The following SCHIP1 variants were observed in gnomAD, a reference collection of about 807,000 sequenced individuals.
SCHIP1 encodes the protein schwannomin-interacting protein 1.
A neutral mutation model predicts 29.7 loss-of-function variants in SCHIP1; 8 were observed. The ratio of observed to expected loss-of-function variants is 0.27; its 90% CI spans 0.16 to 0.49. The LOEUF is 0.49. Ranked by LOEUF, SCHIP1 falls within the 20% of genes least tolerant of loss-of-function variation. SCHIP1 has a pLI of 0.99. For missense variants in SCHIP1, 193 were observed against 294.6 expected, an observed-to-expected ratio of 0.66 and a Z score of 2.52; for synonymous variants, 76 against 94.9, an observed-to-expected ratio of 0.80 and a Z score of 1.16.
the SCHIP1 span, among the ~76,000 whole-genome samples, chr3:159,689,143 T>C: frequency 6.6e-6 from 1 of 152,218 alleles, no homozygotes; most frequent in Non-Finnish European, 1.5e-5. Context: ...AGAAAGTCAG[T>C]GGTAGCTTGC....
At chr3:159,599,997 G>T in the SCHIP1 span, among the ~76,000 whole-genome samples, 1 of 152,118 alleles carries the variant, frequency 6.6e-6, no homozygotes, top group Admixed American at 6.6e-5. Flanking sequence ...AGTATCCTTG[G>T]TTGATAGCTG....
At chr3:159,277,176 G>A in the SCHIP1 span, among the ~76,000 whole-genome samples, 3 of 152,022 alleles carry the variant, frequency 2.0e-5, no homozygotes, top group African/African-American at 7.2e-5. Flanking sequence ...CTTCTCCACC[G>A]GTTTCATTTT....
the SCHIP1 span, among the ~76,000 whole-genome samples, chr3:159,704,417 T>TA: frequency 0.32 from 29,603 of 92,486 alleles, 5,531 homozygotes; most frequent in Non-Finnish European, 0.4. Context: ...CAATTTTTTC[T>TA]AAAAAAAAAA....
chr3:159,844,765 A>T (rs1478271801), intron 1 of SCHIP1, among the ~76,000 whole-genome samples: 1 of 152,182 alleles, frequency 6.6e-6, no homozygotes, highest in Non-Finnish European at 1.5e-5. Flanking sequence ...GGGTTTTGGG[A>T]TAAGTGTGTA....
At chr3:159,479,893 A>AC in the SCHIP1 span, among the ~76,000 whole-genome samples, 1 of 152,108 alleles carries the variant, frequency 6.6e-6, no homozygotes, top group East Asian at 1.9e-4. Flanking sequence ...ATCTTGTGGA[A>AC]CCCCCATAAC....
chr3:159,684,316 A>AG, the SCHIP1 span, among the ~76,000 whole-genome samples: 1 of 152,124 alleles, frequency 6.6e-6, no homozygotes, highest in Non-Finnish European at 1.5e-5. Flanking sequence ...TTCCTTCAAA[A>AG]ACCCTAATAA....
At chr3:159,796,104 G>A in the SCHIP1 span, among the ~76,000 whole-genome samples, 1 of 152,160 alleles carries the variant, frequency 6.6e-6, no homozygotes, top group African/African-American at 2.4e-5. Flanking sequence ...GTATGCTAAG[G>A]TGCTTGGATT....
chr3:159,494,352 G>C, the SCHIP1 span, among the ~76,000 whole-genome samples: 15 of 151,800 alleles, frequency 9.9e-5, no homozygotes, highest in Admixed American at 7.9e-4. Context: ...TTGATAGACC[G>C]CTAGCAAGAC....
the SCHIP1 span, among the ~76,000 whole-genome samples, chr3:159,456,235 C>T: frequency 2.7e-4 from 41 of 151,894 alleles, no homozygotes; most frequent in African/African-American, 8.9e-4. Context: ...CTGTTTAACT[C>T]GAATGAATAT....
chr3:159,343,131 T>C, the SCHIP1 span, among the ~76,000 whole-genome samples: 4 of 152,202 alleles, frequency 2.6e-5, no homozygotes, highest in African/African-American at 9.6e-5. Context: ...ATCTACATTC[T>C]GGAGATGAGA....
At chr3:159,787,048 G>A in the SCHIP1 span, among the ~76,000 whole-genome samples, 1 of 152,118 alleles carries the variant, frequency 6.6e-6, no homozygotes, top group South Asian at 2.1e-4. Flanking sequence ...TTAGATACCA[G>A]GGATTTGACC....
chr3:159,865,789 A>AG (rs1714558347), intron 1 of SCHIP1, among the ~76,000 whole-genome samples: 1 of 152,238 alleles, frequency 6.6e-6, no homozygotes. Flanking sequence ...GATCAGGGAA[A>AG]GGGCACATTT....
At chr3:159,527,043 G>A in the SCHIP1 span, among the ~76,000 whole-genome samples, 1 of 152,170 alleles carries the variant, frequency 6.6e-6, no homozygotes, top group Non-Finnish European at 1.5e-5. Context: ...TATCTTCCTA[G>A]TGCTAGGTTT....
chr3:159,602,269 G>A, the SCHIP1 span, among the ~76,000 whole-genome samples: 3 of 152,078 alleles, frequency 2.0e-5, no homozygotes, highest in African/African-American at 4.8e-5. Context: ...CGAGTTTTTT[G>A]TTGGACTCTA....
chr3:159,439,764 T>C, the SCHIP1 span, among the ~76,000 whole-genome samples: 1 of 151,926 alleles, frequency 6.6e-6, no homozygotes, highest in African/African-American at 2.4e-5. Context: ...AAGCTCCTAA[T>C]AGATGCTGGA....
the SCHIP1 span, among the ~76,000 whole-genome samples, chr3:159,474,556 G>T: frequency 6.6e-6 from 1 of 152,046 alleles, no homozygotes; most frequent in East Asian, 1.9e-4. Context: ...ACGGTATCCA[G>T]ATCCATTATT....
chr3:159,565,066 T>C, the SCHIP1 span, among the ~76,000 whole-genome samples: 3 of 152,174 alleles, frequency 2.0e-5, no homozygotes, highest in Non-Finnish European at 4.4e-5. Flanking sequence ...GTTGTTTTTT[T>C]AAAATTATCT....
the SCHIP1 span, among the ~76,000 whole-genome samples, chr3:159,383,002 T>A: frequency 6.6e-6 from 1 of 150,424 alleles, no homozygotes; most frequent in East Asian, 1.9e-4. Context: ...AGATTCTGGA[T>A]ATTAGCCCTT....
the SCHIP1 span, among the ~76,000 whole-genome samples, chr3:159,495,819 A>T: frequency 1.3e-5 from 2 of 152,210 alleles, no homozygotes; most frequent in African/African-American, 4.8e-5. Flanking sequence ...AAGCCAAAAG[A>T]ACCTGGAGGC....
Sources: allele counts gnomAD v4.1 joint callset (sites outside exome capture counted in the v4.1 genomes callset), GRCh38; gene constraint gnomAD v4.1.1; transcripts MANE v1.5; gene names NCBI Gene and HGNC (gene_info 2026-07-23, HGNC 2026-07-21).